PEG3: variants seen among roughly 807,000 people sequenced by gnomAD.
The protein encoded by PEG3 is paternally-expressed gene 3 protein.
In PEG3, 23 loss-of-function variants were observed where a neutral mutation model predicts 35.5. That is an observed-to-expected ratio of 0.65 (90% confidence interval 0.47 to 0.92). PEG3 has a LOEUF of 0.92. Ranked by LOEUF, PEG3 falls within the 40% of genes least tolerant of loss-of-function variation. The pLI is 0.00. For synonymous variants in PEG3, 707 were observed against 697.0 expected (o/e 1.01, Z -0.23); for missense variants, 1,960 against 1,985.3 (o/e 0.99, Z 0.24).
intron 4 of PEG3, 131 bp from the exon 5 acceptor site, chr19:56,823,810 G>T: frequency 9.0e-7 from 1 of 1,109,736 alleles, no homozygotes; most frequent in Non-Finnish European, 1.3e-6. Context: ...ACATTTCTGA[G>T]TTCAAAACCC....
At chr19:56,821,141 G>T (rs2060449479) in intron 7 of PEG3, among the ~76,000 whole-genome samples, 1 of 152,210 alleles carries the variant, frequency 6.6e-6, no homozygotes, top group African/African-American at 2.4e-5. Context: ...ACTTTTCACA[G>T]CAGCCCTGGG....
At chr19:56,838,519 G>A (rs1041122697) in intron 1 of PEG3, among the ~76,000 whole-genome samples, 9 of 151,668 alleles carry the variant, frequency 5.9e-5, no homozygotes, top group African/African-American at 2.2e-4. Context: ...CCCCCACTAA[G>A]CCGCCCCCAT....
Position 56,817,005 on chromosome 19 carries a change from G to A in PEG3, c.1437C>T (p.Leu479=), listed in dbSNP as rs750683081. 5.6e-6 allele frequency: 9 copies of A among 1,613,836 alleles called. No individual in the cohort carries two copies. Among genetic ancestry groups the A allele is most frequent in the Non-Finnish European group, 1.7e-6 (2 of 1,179,830 alleles). Residue 479 remains leucine (L), a synonymous_variant, in exon 10 of 10, where the codon CTC becomes CTT. Coordinates refer to ENST00000326441, the MANE Select transcript of PEG3 (RefSeq NM_006210.3). ...GGATAAAGGACTCACCATACTCATA[G>A]AGGTTCTCTCTAGTATGCATGATCT... ...EHQIMHTREN[L]YEYGESFIHS...
chr19:56,813,766 G>C lies in PEG3; in HGVS notation c.4676C>G (p.Ala1559Gly), dbSNP rs749784375. Reference protein sequence around the residue: ...ASTSTGGANQADEKYFKCDVC... With the variant: ...ASTSTGGANQGDEKYFKCDVC... ...GTCACATTTGAAGTACTTCTCATCA[G>C]CTTGATTGGCACCACCTGTGCTGGT... is the stretch of plus-strand genomic sequence containing the variant. The change falls in exon 10 of 10, where the codon GCT becomes GGT. Residue 1559 changes from alanine to glycine, a missense_variant. Ala to Gly is a moderately conservative substitution (Grantham distance 60). Coordinates refer to ENST00000326441, the MANE Select transcript of PEG3 (RefSeq NM_006210.3). The C allele has an allele frequency of 1.2e-6, 2 of 1,613,982 alleles. No homozygotes were observed. The highest frequency in any genetic ancestry group is 1.7e-6 in the Non-Finnish European group (2 of 1,180,030).
intron 2 of PEG3, among the ~76,000 whole-genome samples, chr19:56,826,739 G>A (rs2146418949): frequency 6.6e-6 from 1 of 152,296 alleles, no homozygotes; most frequent in Non-Finnish European, 1.5e-5. Context: ...CATGAAAGCA[G>A]AAATAAAAGT....
chr19:56,823,658 G>A lies in PEG3; in HGVS notation c.416C>T (p.Thr139Ile), dbSNP rs1406015897. The change falls in exon 5 of 10, where the codon ACC (threonine) becomes ATC (isoleucine). Residue 139 changes from threonine to isoleucine, a missense_variant. Around this residue, in one of 5 missense-constraint regions of PEG3, gnomAD observed 613 missense variants for 577.1 expected, o/e 1.06. Coordinates refer to ENST00000326441, the MANE Select transcript of PEG3 (RefSeq NM_006210.3). ...GTTCCGGGTCATGTCGTCGTCGCTG[G>A]TCACGTCACTGTTGTTGTCGTCTAA... ...QPEDDNNSDVTSDDDMTRNRR... is the reference protein window; with the variant it reads ...QPEDDNNSDVISDDDMTRNRR... 1 of 1,614,088 alleles carries A rather than the reference G, an allele frequency of 6.2e-7. No homozygotes were observed. Among genetic ancestry groups the A allele is most frequent in the Admixed American group, 1.7e-5 (1 of 60,026 alleles).
chr19:56,817,236 G>A lies in PEG3; in HGVS notation c.1206C>T (p.Gly402=). The A allele has an allele frequency of 6.2e-7, 1 of 1,613,984 alleles. No homozygotes were observed. The highest frequency in any genetic ancestry group is 8.5e-7 in the Non-Finnish European group (1 of 1,179,900). ...RRYHFDTDGK[G]SIHDQKGCPR... ...GACAGCCTTTTTGATCGTGAATCGA[G>A]CCCTTCCCATCTGTGTCAAAATGAT... The change falls in exon 10 of 10, where the codon GGC becomes GGT. Residue 402 remains glycine (G), a synonymous_variant. Transcript: ENST00000326441.
chr19:56,835,933 A>G (rs746996922), intron 2 of PEG3, 85 bp downstream of exon 2: 3 of 457,988 alleles, frequency 6.6e-6, no homozygotes, highest in Non-Finnish European at 1.3e-5. Flanking sequence ...TGGAACACAT[A>G]TGCAGTAGGA....
chr19:56,826,007 G>A (rs937947736), intron 3 of PEG3, among the ~76,000 whole-genome samples: 1 of 152,140 alleles, frequency 6.6e-6, no homozygotes, highest in Non-Finnish European at 1.5e-5. Context: ...ATCCCATGGA[G>A]CTTGGGCACC....
At chr19:56,827,796 T>C (rs1310077389) in intron 2 of PEG3, among the ~76,000 whole-genome samples, 2 of 152,132 alleles carry the variant, frequency 1.3e-5, no homozygotes, top group Admixed American at 6.5e-5. Context: ...ATCTCCAAGA[T>C]AGTTAAGTGC....
chr19:56,815,087 G>C lies in PEG3; in HGVS notation c.3355C>G (p.Leu1119Val), dbSNP rs368615251. Residue 1119 changes from leucine (L) to valine (V), a missense_variant, in exon 10 of 10, where the codon CTC becomes GTC. Physicochemically the swap from Leu to Val is conservative, Grantham distance 32. This residue lies in a region of PEG3 where 124 missense variants were observed against 179.6 expected (regional missense o/e 0.69). Transcript: ENST00000326441. ...CEDCGLGFVD[L>V]TDLTDHQKVH... ...TTCTGATGGTCTGTGAGGTCTGTGAGATCCACAAAGCCCAGGCCACAGTCC... is the reference window on the plus strand; with the variant it reads ...TTCTGATGGTCTGTGAGGTCTGTGACATCCACAAAGCCCAGGCCACAGTCC... 4 of 1,613,620 alleles carry C rather than the reference G, an allele frequency of 2.5e-6. No individual in the cohort carries two copies. The highest frequency in any genetic ancestry group is 2.7e-5 in the African/African-American group (2 of 74,916).
chr19:56,811,290 A>G lies in PEG3; in HGVS notation c.*2385T>C. 1.1e-6 allele frequency: 1 copy of G among 915,024 alleles called. No individual in the cohort carries two copies. The highest frequency in any genetic ancestry group is 1.3e-6 in the Non-Finnish European group (1 of 765,732). The allele number at this position is 915,024 out of a possible 1,614,324, so 56.7% of individuals were successfully genotyped here. A position where few individuals can be genotyped will look rare whatever the true frequency, so the allele number is the denominator to read the frequency against. ...CAACAGCTTTTGACTATAAGCATATATATTTTTAAACAGTTATAATGAACT... is the reference window on the plus strand; with the variant it reads ...CAACAGCTTTTGACTATAAGCATATGTATTTTTAAACAGTTATAATGAACT... On this transcript the variant is annotated 3_prime_UTR_variant, in exon 10 of 10. Coordinates refer to ENST00000326441, the MANE Select transcript of PEG3 (RefSeq NM_006210.3).
In PEG3 at chr19:56,816,047, G is replaced by A; in HGVS notation, c.2395C>T (p.Pro799Ser). Reference protein sequence around the residue: ...KSHSVAGPSKPKVMAESTIQS... With the variant: ...KSHSVAGPSKSKVMAESTIQS... The stretch of plus-strand genomic sequence containing the variant: ...ATGGTAGACTCTGCCATTACTTTTG[G>A]TTTACTGGGCCCTGCTACACTGTGA... Residue 799 changes from proline to serine, a missense_variant, in exon 10 of 10, where the codon CCA becomes TCA. Physicochemically the swap from Pro to Ser is moderately conservative, Grantham distance 74. Around this residue, in one of 5 missense-constraint regions of PEG3, gnomAD observed 798 missense variants for 782.4 expected, o/e 1.02. Transcript: ENST00000326441. 6.3e-7 allele frequency: 1 copy of A among 1,597,580 alleles called. No homozygotes were observed. The highest frequency in any genetic ancestry group is 1.1e-5 in the South Asian group (1 of 88,232).
At chr19:56,837,153 C>T (rs2062233279) in intron 1 of PEG3, among the ~76,000 whole-genome samples, 1 of 152,090 alleles carries the variant, frequency 6.6e-6, no homozygotes, top group East Asian at 1.9e-4. Context: ...GGGAGGGCCA[C>T]ACCCAAACGA....
Position 56,810,501 on chromosome 19 carries a change from T to C in PEG3, c.*3174A>G, listed in dbSNP as rs1399319595. 3.0e-6 allele frequency: 3 copies of C among 984,980 alleles called. No individual in the cohort carries two copies. In the Admixed American group the frequency reaches 1.8e-4, roughly 61 times the overall value. The allele number at this position is 984,980 out of a possible 1,614,324, so 61.0% of individuals were successfully genotyped here. On this transcript the variant is annotated 3_prime_UTR_variant, in exon 10 of 10. Coordinates refer to ENST00000326441, the MANE Select transcript of PEG3 (RefSeq NM_006210.3). Reference sequence around the variant, plus strand: ...CACAGATCAAGATGTTAACAGTTAATTGTTGTTGGGTGTTGGGAATATGTG... The same window carrying C: ...CACAGATCAAGATGTTAACAGTTAACTGTTGTTGGGTGTTGGGAATATGTG...
chr19:56,815,706 T>C lies in PEG3; in HGVS notation c.2736A>G (p.Gly912=), dbSNP rs373668187. The change falls in exon 10 of 10, where the codon GGA becomes GGG. Residue 912 remains glycine, a synonymous_variant. Transcript: ENST00000326441. ...CGCCATCCTTCTTAAACTCACCAGA[T>C]CCCTCTCCAGGAACACTTTTCTGAG... ...AKPQKSVPGE[G]SGEFKKDGEF... The C allele has an allele frequency of 6.2e-7, 1 of 1,614,132 alleles. No individual in the cohort carries two copies. Among genetic ancestry groups the C allele is most frequent in the Non-Finnish European group, 8.5e-7 (1 of 1,180,020 alleles).
intron 6 of PEG3, among the ~76,000 whole-genome samples, chr19:56,822,018 G>A (rs749394726): frequency 6.6e-6 from 1 of 152,136 alleles, no homozygotes; most frequent in African/African-American, 2.4e-5. Flanking sequence ...CCCAAGCTGT[G>A]TGGGTCCAGG....
Position 56,810,895 on chromosome 19 carries a change from C to A in PEG3, c.*2780G>T. On this transcript the variant is annotated 3_prime_UTR_variant, in exon 10 of 10. Transcript: ENST00000326441. ...TGTATTATGCACACCAATGGAGACA[C>A]ACATAATACACTGTTATCAGGACAT... The A allele has an allele frequency of 2.1e-6, 2 of 959,190 alleles. No homozygotes were observed. Among genetic ancestry groups the A allele is most frequent in the Non-Finnish European group, 2.5e-6 (2 of 806,134 alleles). The allele number at this position is 959,190 out of a possible 1,614,324, so 59.4% of individuals were successfully genotyped here.
rs2146062137 is a variant in PEG3, at chr19:56,810,407, T to C, written c.*3268A>G. Reference sequence around the variant, plus strand: ...CAACCACACAACTATTTCTTGTTTTTCATCTTTCTTCCCATCTTTGACATT... The same window carrying C: ...CAACCACACAACTATTTCTTGTTTTCCATCTTTCTTCCCATCTTTGACATT... On this transcript the variant is annotated 3_prime_UTR_variant, in exon 10 of 10. Coordinates refer to ENST00000326441, the MANE Select transcript of PEG3 (RefSeq NM_006210.3). 1 of 985,310 alleles carries C rather than the reference T, an allele frequency of 1.0e-6. No homozygotes were observed. Among genetic ancestry groups the C allele is most frequent in the Non-Finnish European group, 1.2e-6 (1 of 829,812 alleles). The allele number at this position is 985,310 out of a possible 1,614,324, so 61.0% of individuals were successfully genotyped here. A position where few individuals can be genotyped will look rare whatever the true frequency, so the allele number is the denominator to read the frequency against.
Sources: allele counts gnomAD v4.1 joint callset (sites outside exome capture counted in the v4.1 genomes callset), GRCh38; gene constraint gnomAD v4.1.1; regional missense constraint gnomAD v4.1.1; transcripts MANE v1.5; gene names NCBI Gene and HGNC (gene_info 2026-07-23, HGNC 2026-07-21).